The following ZDHHC14 variants were observed in gnomAD, a reference collection of about 807,000 sequenced individuals.
ZDHHC14 encodes the protein zDHHC palmitoyltransferase 14, also known as palmitoyltransferase ZDHHC14.
Under a neutral mutation model 47.7 loss-of-function variants are expected in ZDHHC14, and 16 were observed. The observed-to-expected ratio is 0.34, with a 90% CI of 0.23 to 0.51. ZDHHC14 has a LOEUF of 0.51. ZDHHC14 is among the 20% of genes least tolerant of loss of function. The pLI is 0.97. For synonymous variants in ZDHHC14, 293 were observed against 278.9 expected (o/e 1.05, Z -0.50); for missense variants, 515 against 662.5 (o/e 0.78, Z 2.44).
At chr6:157,385,779 A>T (rs996942932) in intron 1 of ZDHHC14, among the ~76,000 whole-genome samples, 1 of 152,264 alleles carries the variant, frequency 6.6e-6, no homozygotes, top group African/African-American at 2.4e-5. Context: ...GCTCTTTCTG[A>T]CTAATTGTGC....
At chr6:157,430,145 T>C (rs1778308471) in intron 1 of ZDHHC14, among the ~76,000 whole-genome samples, 1 of 151,846 alleles carries the variant, frequency 6.6e-6, no homozygotes, top group African/African-American at 2.4e-5. Flanking sequence ...TGAAACCCCG[T>C]CTCTACTAAA....
chr6:157,538,729 G>A (rs534152502), intron 1 of ZDHHC14, among the ~76,000 whole-genome samples: 1 of 152,290 alleles, frequency 6.6e-6, no homozygotes, highest in East Asian at 1.9e-4. Flanking sequence ...TCTGCTTAGG[G>A]GGTGAGCCCA....
At position 157,382,001 on chromosome 6, in the gene ZDHHC14, C is replaced by A; in HGVS notation, c.-21C>A. 4 of 1,385,008 alleles carry A rather than the reference C, an allele frequency of 2.9e-6. No homozygotes were observed. The highest frequency in any genetic ancestry group is 3.8e-6 in the Non-Finnish European group (4 of 1,065,532). The allele number at this position is 1,385,008 out of a possible 1,614,324, so 85.8% of individuals were successfully genotyped here. On this transcript the variant is annotated 5_prime_UTR_variant, in exon 1 of 9. Transcript: ENST00000359775. ...CGGGGGGCTCCTGGGGGTGTGCGCC[C>A]CCAGCCGGCTGCCCTCGTGGATGCC...
chr6:157,643,554 A>G (rs1777359511), intron 5 of ZDHHC14, among the ~76,000 whole-genome samples: 1 of 150,484 alleles, frequency 6.6e-6, no homozygotes, highest in African/African-American at 2.4e-5. Context: ...AGGCTGAGGC[A>G]GCAGAATCAC....
At chr6:157,537,663 G>A (rs1253679372) in intron 1 of ZDHHC14, among the ~76,000 whole-genome samples, 1 of 152,138 alleles carries the variant, frequency 6.6e-6, no homozygotes, top group African/African-American at 2.4e-5. Flanking sequence ...ATTCCATTTG[G>A]TGTTTATATC....
intron 1 of ZDHHC14, among the ~76,000 whole-genome samples, chr6:157,442,306 C>T (rs569744056): frequency 1.3e-5 from 2 of 152,264 alleles, no homozygotes; most frequent in Admixed American, 1.3e-4. Context: ...TCATTTGAGC[C>T]CCGGAGGTCA....
rs1466713946 is a variant in ZDHHC14 at position 157,382,361 on chromosome 6, A to G, written c.245+95A>G. On this transcript the variant is annotated intron_variant, in intron 1 of 8. Transcript: ENST00000359775. ...GCTGCTTTCGTTTTCTAGAAGTCTTATCTACTGTAAATTGTTATATAATGC... is the reference window on the plus strand; with the variant it reads ...GCTGCTTTCGTTTTCTAGAAGTCTTGTCTACTGTAAATTGTTATATAATGC... 7.0e-6 allele frequency: 10 copies of G among 1,429,904 alleles called. No homozygotes were observed. In the Middle Eastern group the frequency reaches 5.4e-4, roughly 77 times the overall value. 88.6% of individuals were successfully genotyped at this position (1,429,904 alleles called of 1,614,324 possible). A position where few individuals can be genotyped will look rare whatever the true frequency, so the allele number is the denominator to read the frequency against.
At chr6:157,565,442 T>C (rs1782864724) in intron 2 of ZDHHC14, among the ~76,000 whole-genome samples, 1 of 152,170 alleles carries the variant, frequency 6.6e-6, no homozygotes, top group Non-Finnish European at 1.5e-5. Flanking sequence ...ATGGGGAACA[T>C]AGGCAAGTTA....
At chr6:157,601,998 T>C (rs1784353373) in intron 3 of ZDHHC14, among the ~76,000 whole-genome samples, 1 of 149,620 alleles carries the variant, frequency 6.7e-6, no homozygotes, top group Non-Finnish European at 1.5e-5. Flanking sequence ...GGTCAAGAGA[T>C]CAAGACCATC....
chr6:157,521,665 G>T (rs375412194), intron 1 of ZDHHC14, among the ~76,000 whole-genome samples: 1 of 152,318 alleles, frequency 6.6e-6, no homozygotes, highest in Non-Finnish European at 1.5e-5. Context: ...TAATGCCATC[G>T]CATTGGCGGT....
At chr6:157,521,378 G>A (rs1429768285) in intron 1 of ZDHHC14, among the ~76,000 whole-genome samples, 2 of 152,206 alleles carry the variant, frequency 1.3e-5, no homozygotes, top group Non-Finnish European at 2.9e-5. Context: ...AGAGCAGGAC[G>A]CTTCTGTCTT....
chr6:157,460,202 T>TAAAACA (rs1263139270), intron 1 of ZDHHC14, among the ~76,000 whole-genome samples: 1 of 134,328 alleles, frequency 7.4e-6, no homozygotes. Flanking sequence ...GACTCCATCT[T>TAAAACA]AAAACAAAAA....
rs868362038 is a variant in ZDHHC14, at chr6:157,455,761, C to T, written c.245+73495C>T. On this transcript the variant is annotated intron_variant, in intron 1 of 8. Transcript: ENST00000359775. ...TCTTACAGTCAACTGGGGATACAAG[C>T]GGCTCTTGTTAGAAGGAAAACGACT... 2.6e-4 allele frequency among the ~76,000 whole-genome samples: 39 copies of T among 151,736 alleles called. 1 individual carries two copies. The highest frequency in any genetic ancestry group is 3.4e-3 in the Middle Eastern group (1 of 294).
intron 1 of ZDHHC14, among the ~76,000 whole-genome samples, chr6:157,490,946 G>C (rs1195754551): frequency 6.6e-6 from 1 of 152,146 alleles, no homozygotes; most frequent in East Asian, 1.9e-4. Context: ...TTGCATATAA[G>C]AGAATCAAAG....
intron 2 of ZDHHC14, among the ~76,000 whole-genome samples, chr6:157,564,675 G>T (rs1439389756): frequency 6.6e-6 from 1 of 152,318 alleles, no homozygotes; most frequent in South Asian, 2.1e-4. Context: ...TCTTAAATCT[G>T]TCAGCCCTTA....
intron 1 of ZDHHC14, among the ~76,000 whole-genome samples, chr6:157,436,946 T>G (rs1279913346): frequency 6.6e-6 from 1 of 151,004 alleles, no homozygotes; most frequent in Admixed American, 6.6e-5. Context: ...GAGTGGAAGG[T>G]GGTGGGGATT....
At chr6:157,517,300 G>C (rs1396358100) in intron 1 of ZDHHC14, among the ~76,000 whole-genome samples, 1 of 149,360 alleles carries the variant, frequency 6.7e-6, no homozygotes, top group Non-Finnish European at 1.5e-5. Flanking sequence ...CCCACTAAAA[G>C]ACTTCTGCTC....
chr6:157,566,403 C>T (rs1782903417), intron 2 of ZDHHC14, among the ~76,000 whole-genome samples: 1 of 152,166 alleles, frequency 6.6e-6, no homozygotes, highest in African/African-American at 2.4e-5. Context: ...TTCCCCAGAG[C>T]ACAAAATGGC....
chr6:157,410,777 ACCTCTG>A (rs939024435), intron 1 of ZDHHC14, among the ~76,000 whole-genome samples: 1 of 152,048 alleles, frequency 6.6e-6, no homozygotes, highest in Admixed American at 6.5e-5. Flanking sequence ...GTTCACTGCA[ACCTCTG>A]CCTCCTGGGT....
Sources: gnomAD v4.1 joint callset for allele counts (sites outside exome capture counted in the v4.1 genomes callset) on GRCh38, gnomAD v4.1.1 for gene constraint, MANE v1.5 for transcripts, NCBI Gene and HGNC (gene_info 2026-07-23, HGNC 2026-07-21) for gene names.